Variants in RASGRP1 observed in about 807,000 individuals in gnomAD.
RASGRP1 encodes the protein RAS guanyl-releasing protein 1.
In RASGRP1, 37 loss-of-function variants were observed where a neutral mutation model predicts 95.1. The ratio of observed to expected loss-of-function variants is 0.39; its 90% CI spans 0.30 to 0.51. The LOEUF is 0.51. Ranked by LOEUF, RASGRP1 falls within the 20% of genes least tolerant of loss-of-function variation. The pLI is 0.80. For synonymous variants in RASGRP1, 325 were observed against 353.4 expected, an observed-to-expected ratio of 0.92 and a Z score of 0.90; for missense variants, 711 against 965.4, an observed-to-expected ratio of 0.74 and a Z score of 3.49.
At chr15:38,560,668 T>G (rs1424270910) in intron 1 of RASGRP1, among the ~76,000 whole-genome samples, 1 of 152,214 alleles carries the variant, frequency 6.6e-6, no homozygotes, top group Non-Finnish European at 1.5e-5. Flanking sequence ...CTTACAAATC[T>G]TGGTTGGTTT....
chr15:38,512,409 C>G (rs1239667932), intron 7 of RASGRP1, among the ~76,000 whole-genome samples: 3 of 152,232 alleles, frequency 2.0e-5, no homozygotes, highest in Non-Finnish European at 4.4e-5. Flanking sequence ...GCTTAAAGAC[C>G]TAAGACAATC....
At chr15:38,554,661 T>C (rs1192710195) in intron 2 of RASGRP1, among the ~76,000 whole-genome samples, 1 of 152,170 alleles carries the variant, frequency 6.6e-6, no homozygotes, top group Admixed American at 6.5e-5. Flanking sequence ...TCATCAAAGA[T>C]GCAGCAAAGG....
chr15:38,520,379 A>C (rs1891955944), intron 3 of RASGRP1, among the ~76,000 whole-genome samples: 1 of 152,248 alleles, frequency 6.6e-6, no homozygotes, highest in Non-Finnish European at 1.5e-5. Flanking sequence ...GGGTGTATAT[A>C]TTTTAACCTT....
Position 38,527,677 on chromosome 15 carries a change from G to A in RASGRP1, c.221-1273C>T, listed in dbSNP as rs182261287. On this transcript the variant is annotated intron_variant, in intron 2 of 16. Transcript: ENST00000310803. ...CATCTGTATTGCTCTTTATATTAAA[G>A]GGGTTATCATGTTCACTCTGCTTCA... Among the ~76,000 whole-genome samples, 561 of 125,834 alleles carry A rather than the reference G, an allele frequency of 4.5e-3. 3 individuals carry two copies. Among genetic ancestry groups the A allele is most frequent in the Non-Finnish European group, 6.2e-3 (355 of 57,172 alleles). The allele number at this position is 125,834 out of a possible 152,430, so 82.6% of individuals were successfully genotyped here.
intron 2 of RASGRP1, among the ~76,000 whole-genome samples, chr15:38,540,858 A>G (rs1302611469): frequency 3.9e-5 from 6 of 152,200 alleles, no homozygotes; most frequent in Admixed American, 3.9e-4. Context: ...AAATATATGT[A>G]CTGAAACATT....
At chr15:38,544,637 C>T (rs1480099276) in intron 2 of RASGRP1, among the ~76,000 whole-genome samples, 2 of 152,130 alleles carry the variant, frequency 1.3e-5, no homozygotes, top group East Asian at 3.9e-4. Context: ...AGATGTGGTC[C>T]CTTCATTTTG....
intron 3 of RASGRP1, among the ~76,000 whole-genome samples, chr15:38,520,985 A>G (rs1891979273): frequency 6.6e-6 from 1 of 152,214 alleles, no homozygotes; most frequent in Non-Finnish European, 1.5e-5. Context: ...CCTTTAGATC[A>G]GAGCACCAAA....
chr15:38,526,982 T>C (rs1021346329), intron 2 of RASGRP1, among the ~76,000 whole-genome samples: 6 of 152,124 alleles, frequency 3.9e-5, no homozygotes, highest in Non-Finnish European at 2.9e-5. Context: ...TGGGCAAACA[T>C]TACATTTTAA....
At chr15:38,494,205 T>C (rs1890705610) in intron 16 of RASGRP1, 177 bp downstream of exon 16, 4 of 835,638 alleles carry the variant, frequency 4.8e-6, no homozygotes, top group East Asian at 2.9e-5. Context: ...TCATCCTTTC[T>C]TCCTTCCCTC....
At chr15:38,501,065 T>C in intron 13 of RASGRP1, 78 bp downstream of exon 13, 3 of 1,445,352 alleles carry the variant, frequency 2.1e-6, no homozygotes, top group Non-Finnish European at 2.8e-6. Flanking sequence ...TCATAAGGAT[T>C]GTGAGGTCTG....
chr15:38,513,080 G>A, intron 6 of RASGRP1, 124 bp from the exon 7 acceptor site: 1 of 996,180 alleles, frequency 1.0e-6, no homozygotes, highest in Non-Finnish European at 1.4e-6. Flanking sequence ...TGGAACAGAG[G>A]AGCTCCTGGT....
chr15:38,513,859 A>T (rs776896883), intron 6 of RASGRP1, among the ~76,000 whole-genome samples: 1 of 152,178 alleles, frequency 6.6e-6, no homozygotes, highest in Admixed American at 6.5e-5. Context: ...AGAAGGTGTG[A>T]CCATATGACA....
At chr15:38,500,214 A>G in intron 13 of RASGRP1, 75 bp from the exon 14 acceptor site, 1 of 1,459,832 alleles carries the variant, frequency 6.9e-7, no homozygotes, top group East Asian at 2.3e-5. Context: ...ACATTCCTTT[A>G]TTTTCCTTCA....
chr15:38,544,870 CAT>C (rs1305853942), intron 2 of RASGRP1, among the ~76,000 whole-genome samples: 2 of 152,364 alleles, frequency 1.3e-5, no homozygotes, highest in Admixed American at 6.5e-5. Flanking sequence ...TCCACAATCA[CAT>C]GTCTGTCTTG....
intron 2 of RASGRP1, among the ~76,000 whole-genome samples, chr15:38,548,205 G>A (rs544713785): frequency 1.1e-4 from 16 of 152,130 alleles, no homozygotes; most frequent in Non-Finnish European, 1.6e-4. Context: ...CCTAAAATCC[G>A]TTTGAATTTT....
intron 15 of RASGRP1, among the ~76,000 whole-genome samples, chr15:38,495,624 A>G (rs1456962169): frequency 1.3e-5 from 2 of 152,262 alleles, no homozygotes; most frequent in Non-Finnish European, 2.9e-5. Flanking sequence ...TTGTAAAACT[A>G]GAAATCTTAC....
At chr15:38,536,312 G>A (rs939643749) in intron 2 of RASGRP1, among the ~76,000 whole-genome samples, 2 of 152,204 alleles carry the variant, frequency 1.3e-5, no homozygotes, top group African/African-American at 4.8e-5. Flanking sequence ...AGGACACAGA[G>A]AGCTGCCAGC....
At chr15:38,492,235 T>C (rs1035883071) in intron 16 of RASGRP1, among the ~76,000 whole-genome samples, 3 of 152,224 alleles carry the variant, frequency 2.0e-5, no homozygotes, top group African/African-American at 7.2e-5. Flanking sequence ...ACAATAACTC[T>C]GAGCAAGAGA....
intron 2 of RASGRP1, among the ~76,000 whole-genome samples, chr15:38,548,541 T>A (rs950463806): frequency 3.9e-5 from 6 of 152,164 alleles, no homozygotes; most frequent in African/African-American, 1.2e-4. Flanking sequence ...ATCACTGTGT[T>A]CCATCCTGTG....
Sources: allele counts gnomAD v4.1 joint callset (sites outside exome capture counted in the v4.1 genomes callset), GRCh38; gene constraint gnomAD v4.1.1; transcripts MANE v1.5; gene names NCBI Gene and HGNC (gene_info 2026-07-23, HGNC 2026-07-21).